ZC4H2: variants seen among roughly 807,000 people sequenced by gnomAD.
ZC4H2 encodes the protein zinc finger C4H2-type containing.
For synonymous variants in ZC4H2, 84 were observed against 66.3 expected (o/e 1.27, Z -1.30); for missense variants, 137 against 173.9 (o/e 0.79, Z 1.19).
At chrX:65,005,891 G>A (rs1246111949) in intron 1 of ZC4H2, among the ~76,000 whole-genome samples, 9 of 109,891 alleles carry the variant, frequency 8.2e-5, no homozygotes, top group African/African-American at 3.0e-4. Flanking sequence ...TTAAAAAGTG[G>A]GTGAAGGAGA....
intron 1 of ZC4H2, among the ~76,000 whole-genome samples, chrX:64,972,829 C>T (rs1931825547): frequency 8.9e-6 from 1 of 111,988 alleles, no homozygotes; most frequent in Non-Finnish European, 1.9e-5. Context: ...TTCCTTATTT[C>T]TATCTCTCAT....
At chrX:65,030,096 T>G (rs773113804) in intron 1 of ZC4H2, among the ~76,000 whole-genome samples, 1 of 111,886 alleles carries the variant, frequency 8.9e-6, no homozygotes, top group African/African-American at 3.2e-5. Flanking sequence ...ACTTCAATTC[T>G]GGAGACTCTT....
intron 1 of ZC4H2, among the ~76,000 whole-genome samples, chrX:64,954,752 G>A (rs888722367): frequency 9.1e-6 from 1 of 110,021 alleles, no homozygotes; most frequent in Non-Finnish European, 1.9e-5. Context: ...AGGTGGACTG[G>A]TTTATAAAAC....
At chrX:64,946,069 G>A (rs900817928) in intron 1 of ZC4H2, among the ~76,000 whole-genome samples, 4 of 110,762 alleles carry the variant, frequency 3.6e-5, no homozygotes, top group Non-Finnish European at 5.7e-5. Flanking sequence ...GGCTTCCACC[G>A]CCTTTCCAGA....
intron 1 of ZC4H2, among the ~76,000 whole-genome samples, chrX:64,922,781 C>G (rs1480425658): frequency 1.8e-5 from 2 of 112,172 alleles, no homozygotes; most frequent in South Asian, 7.3e-4. Context: ...CATATGGCTA[C>G]TGAGCACTTG....
At position 64,917,147 on chromosome X, in the gene ZC4H2, GACAC is replaced by G. The variant is rs1187617492; in HGVS notation, c.*632_*635del. 8.9e-6 allele frequency: 1 copy of G among 112,079 alleles called. No individual in the cohort carries two copies. Among genetic ancestry groups the G allele is most frequent in the Non-Finnish European group, 1.9e-5 (1 of 53,203 alleles). 9.2% of individuals were successfully genotyped at this position (112,079 alleles called of 1,213,427 possible). On this transcript the variant is annotated 3_prime_UTR_variant, in exon 5 of 5. Coordinates refer to ENST00000374839, the MANE Select transcript of ZC4H2 (RefSeq NM_018684.4). ...AGGTTCATTGATCTTAAGATCCCAA[GACAC>G]ACAGCCTAGTACCTAAGAATTTTAG... is the stretch of plus-strand genomic sequence containing the variant.
chrX:65,016,721 T>C (rs1932800228), intron 1 of ZC4H2, among the ~76,000 whole-genome samples: 1 of 112,037 alleles, frequency 8.9e-6, no homozygotes, highest in Non-Finnish European at 1.9e-5. Flanking sequence ...TTATTATTAG[T>C]TGGACCAGGG....
At chrX:64,941,216 A>T (rs1045797151) in intron 1 of ZC4H2, among the ~76,000 whole-genome samples, 2 of 111,567 alleles carry the variant, frequency 1.8e-5, no homozygotes, top group African/African-American at 6.5e-5. Context: ...GGTGTATAGG[A>T]ATGCTTGTGA....
chrX:65,033,962 A>C (rs957149549), intron 1 of ZC4H2, among the ~76,000 whole-genome samples: 4 of 110,042 alleles, frequency 3.6e-5, no homozygotes, highest in Non-Finnish European at 5.7e-5. Context: ...GGTGGCTTGC[A>C]CCTGTAGTCC....
chrX:65,029,659 A>C (rs1932915508), intron 1 of ZC4H2, among the ~76,000 whole-genome samples: 1 of 111,759 alleles, frequency 8.9e-6, no homozygotes, highest in Admixed American at 9.5e-5. Context: ...GATGAGACAA[A>C]GATCAGGAGC....
At chrX:64,923,337 C>T (rs1242751887) in intron 1 of ZC4H2, among the ~76,000 whole-genome samples, 2 of 111,456 alleles carry the variant, frequency 1.8e-5, no homozygotes, top group Admixed American at 9.6e-5. Flanking sequence ...GGGGTACCCT[C>T]TAAGGCATGT....
chrX:64,992,640 G>A (rs1204767501), intron 1 of ZC4H2, among the ~76,000 whole-genome samples: 1 of 111,242 alleles, frequency 9.0e-6, no homozygotes, highest in South Asian at 3.8e-4. Flanking sequence ...TCTGCCTCAT[G>A]GTGTGCCCAG....
At chrX:64,957,786 T>G (rs1931214082) in intron 1 of ZC4H2, among the ~76,000 whole-genome samples, 2 of 110,429 alleles carry the variant, frequency 1.8e-5, no homozygotes, top group Non-Finnish European at 1.9e-5. Context: ...TGTTTGAGCC[T>G]GGGATGTCAA....
chrX:65,024,879 G>A (rs1183720304), intron 1 of ZC4H2, among the ~76,000 whole-genome samples: 2 of 111,393 alleles, frequency 1.8e-5, no homozygotes, highest in Non-Finnish European at 3.8e-5. Flanking sequence ...AATATACACG[G>A]TGACCTGCTA....
At chrX:65,016,511 T>C (rs1359389492) in intron 1 of ZC4H2, among the ~76,000 whole-genome samples, 1 of 111,987 alleles carries the variant, frequency 8.9e-6, no homozygotes, top group Non-Finnish European at 1.9e-5. Flanking sequence ...GAGAGCAGAC[T>C]TTTTAGAGAG....
At chrX:64,929,556 G>A (rs999811459) in intron 1 of ZC4H2, among the ~76,000 whole-genome samples, 1 of 111,499 alleles carries the variant, frequency 9.0e-6, no homozygotes, top group African/African-American at 3.3e-5. Context: ...GGTGAGAGGT[G>A]AGGATCTAGT....
At chrX:65,020,922 G>A (rs1246717413) in intron 1 of ZC4H2, among the ~76,000 whole-genome samples, 1 of 111,472 alleles carries the variant, frequency 9.0e-6, no homozygotes, top group East Asian at 2.8e-4. Context: ...AAGCTCAAAA[G>A]AGAAAAGAAA....
chrX:64,960,500 T>G (rs1291861621), intron 1 of ZC4H2, among the ~76,000 whole-genome samples: 1 of 111,442 alleles, frequency 9.0e-6, no homozygotes, highest in Non-Finnish European at 1.9e-5. Context: ...GTAGAAGAAC[T>G]TCACAATTCA....
intron 1 of ZC4H2, among the ~76,000 whole-genome samples, chrX:64,989,199 C>T (rs932822305): frequency 1.3e-4 from 14 of 111,741 alleles, no homozygotes; most frequent in East Asian, 2.8e-4. Context: ...CTTGGCAATG[C>T]GGGCTCTTCT....
Sources: gnomAD v4.1 joint callset for allele counts (sites outside exome capture counted in the v4.1 genomes callset) on GRCh38, gnomAD v4.1.1 for gene constraint, MANE v1.5 for transcripts, NCBI Gene and HGNC (gene_info 2026-07-23, HGNC 2026-07-21) for gene names.